Variants in CASK observed in about 807,000 individuals in gnomAD.
CASK encodes the protein calcium/calmodulin dependent serine protein kinase.
In CASK, 4 loss-of-function variants were observed where a neutral mutation model predicts 82.9. The ratio of observed to expected loss-of-function variants is 0.05; its 90% CI spans 0.02 to 0.11. The LOEUF is 0.11. Ranked by LOEUF, CASK falls within the 10% of genes least tolerant of loss-of-function variation. The pLI is 1.00. For missense variants in CASK, 358 were observed against 720.9 expected, an observed-to-expected ratio of 0.50 and a Z score of 5.76; for synonymous variants, 259 against 253.5, an observed-to-expected ratio of 1.02 and a Z score of -0.20.
At chrX:41,873,348 C>A (rs1462347620) in intron 1 of CASK, among the ~76,000 whole-genome samples, 1 of 96,637 alleles carries the variant, frequency 1.0e-5, no homozygotes, top group African/African-American at 3.8e-5. Context: ...CCTAGAAAGA[C>A]ACATTTATAC....
chrX:41,917,860 C>T (rs2072720810), intron 1 of CASK, among the ~76,000 whole-genome samples: 3 of 111,775 alleles, frequency 2.7e-5, no homozygotes, highest in African/African-American at 3.3e-5. Flanking sequence ...TGCTTCCCCA[C>T]TCCCATTGAG....
At chrX:41,694,248 A>G (rs1278948790) in intron 5 of CASK, among the ~76,000 whole-genome samples, 1 of 112,646 alleles carries the variant, frequency 8.9e-6, no homozygotes, top group Non-Finnish European at 1.9e-5. Context: ...AAACTAAGGC[A>G]TAGAAAAGAT....
intron 2 of CASK, among the ~76,000 whole-genome samples, chrX:41,827,744 T>A (rs2070696751): frequency 8.9e-6 from 1 of 112,104 alleles, no homozygotes; most frequent in African/African-American, 3.2e-5. Context: ...TCCTTGAACA[T>A]GTTTGGTTTT....
intron 2 of CASK, among the ~76,000 whole-genome samples, chrX:41,811,196 A>T (rs1176524492): frequency 9.0e-6 from 1 of 111,725 alleles, no homozygotes. Flanking sequence ...TAACAAGGAT[A>T]TCCAGGAATT....
At chrX:41,588,657 T>C (rs1195857088) in intron 13 of CASK, 1 of 110,507 alleles carries the variant, frequency 9.0e-6, no homozygotes, top group Non-Finnish European at 1.9e-5. Context: ...CTTCATAGTC[T>C]TTCACATAGT....
Position 41,660,575 on chromosome X carries a change from A to G in CASK, c.709-14T>C. On this transcript the variant is annotated splice_polypyrimidine_tract_variant and intron_variant, in intron 7 of 26. Transcript: ENST00000378163. ...CCTTGGATTCATCTGAGGAGGAGGA[A>G]AGGAAAACTACATAGTTACCTTAAA... is the stretch of plus-strand genomic sequence containing the variant. 1 of 1,197,740 alleles carries G rather than the reference A, an allele frequency of 8.3e-7. No homozygotes were observed. Among genetic ancestry groups the G allele is most frequent in the Non-Finnish European group, 1.1e-6 (1 of 882,484 alleles).
At chrX:41,792,278 A>G in intron 2 of CASK, among the ~76,000 whole-genome samples, 1 of 106,635 alleles carries the variant, frequency 9.4e-6, no homozygotes, top group Non-Finnish European at 1.9e-5. Context: ...GCTCGAGAGC[A>G]TTCAATAAGG....
At chrX:41,621,432 G>A (rs1232796084) in intron 11 of CASK, among the ~76,000 whole-genome samples, 2 of 112,045 alleles carry the variant, frequency 1.8e-5, no homozygotes, top group African/African-American at 6.5e-5. Flanking sequence ...GCTGGGAAGT[G>A]AGCTGCCATG....
At chrX:41,766,346 T>A (rs1214217957) in intron 3 of CASK, among the ~76,000 whole-genome samples, 2 of 111,974 alleles carry the variant, frequency 1.8e-5, no homozygotes, top group Admixed American at 1.9e-4. Context: ...GAACCCAGAT[T>A]TTCAGAGATA....
intron 3 of CASK, among the ~76,000 whole-genome samples, chrX:41,779,466 T>C (rs1167952554): frequency 1.8e-5 from 2 of 112,031 alleles, no homozygotes; most frequent in Non-Finnish European, 3.8e-5. Context: ...TGCTGAGTCC[T>C]TTGAGTTTTC....
chrX:41,680,354 C>T (rs1461128527), intron 5 of CASK, among the ~76,000 whole-genome samples: 1 of 109,546 alleles, frequency 9.1e-6, no homozygotes, highest in African/African-American at 3.3e-5. Context: ...TGGTGGCATG[C>T]GCCTATAGTC....
intron 5 of CASK, chrX:41,696,033 T>TTTTA: frequency 8.3e-7 from 1 of 1,210,185 alleles, no homozygotes; most frequent in Non-Finnish European, 1.1e-6. Context: ...GGGAACACTG[T>TTTTA]TTTATATGAA....
rs1195028956 is a variant in CASK at position 41,612,348 on chromosome X, C to T, written c.1034-2323G>A. ...GAGGTGAGGAGCGTCTCTGCCCAGC[C>T]GCCCCGTCTGAGAAGTGAGGAGACC... is the stretch of plus-strand genomic sequence containing the variant. On this transcript the variant is annotated intron_variant, in intron 11 of 26. Coordinates refer to ENST00000378163, the MANE Select transcript of CASK (RefSeq NM_001367721.1). Among the ~76,000 whole-genome samples the T allele has an allele frequency of 5.5e-5, 6 of 108,647 alleles. No individual in the cohort carries two copies. In the East Asian group the frequency reaches 1.8e-3, roughly 32 times the overall value. 94.3% of individuals were successfully genotyped at this position (108,647 alleles called of 115,157 possible).
rs1313398947 is a variant in CASK, at chrX:41,713,786, TAG to T, written c.429+25596_429+25597del. Among the ~76,000 whole-genome samples the T allele has an allele frequency of 5.4e-5, 6 of 111,115 alleles. No homozygotes were observed. The East Asian group carries it at 1.7e-3, about 31-fold the overall frequency. On this transcript the variant is annotated intron_variant, in intron 5 of 26. Coordinates refer to ENST00000378163, the MANE Select transcript of CASK (RefSeq NM_001367721.1). ...AGTCATGGGACTCATCTAAGCAGGG[TAG>T]AGTCTTTAGAGGGCTATTAAAAAAT...
At chrX:41,781,970 A>G (rs765734795) in intron 3 of CASK, among the ~76,000 whole-genome samples, 2 of 112,087 alleles carry the variant, frequency 1.8e-5, no homozygotes, top group Non-Finnish European at 3.8e-5. Flanking sequence ...ACAATTCTAA[A>G]TTCAGAAATC....
chrX:41,760,983 T>C (rs954995998), intron 3 of CASK, among the ~76,000 whole-genome samples: 1 of 111,557 alleles, frequency 9.0e-6, no homozygotes, highest in Admixed American at 9.6e-5. Context: ...CTTGCTATCC[T>C]GTGTAAGTTC....
intron 1 of CASK, among the ~76,000 whole-genome samples, chrX:41,918,680 A>G (rs2072732699): frequency 8.9e-6 from 1 of 112,744 alleles, no homozygotes; most frequent in African/African-American, 3.2e-5. Context: ...GAGAAACACA[A>G]GTGCATAGAA....
chrX:41,577,167 T>G (rs1602290125), intron 15 of CASK, among the ~76,000 whole-genome samples: 3 of 112,648 alleles, frequency 2.7e-5, no homozygotes, highest in South Asian at 7.4e-4. Context: ...GTTCCCTGTC[T>G]CAACGTCCAT....
chrX:41,660,421 C>A lies in CASK; in HGVS notation c.831+18G>T. 1 of 1,193,193 alleles carries A rather than the reference C, an allele frequency of 8.4e-7. No individual in the cohort carries two copies. The highest frequency in any genetic ancestry group is 1.7e-5 in the African/African-American group (1 of 57,459). ...GTTCAGACAAAGTGTAGAAGGTGAC[C>A]TGTGAATGCTCATGTACCTTAAGCC... On this transcript the variant is annotated intron_variant, in intron 8 of 26. Transcript: ENST00000378163.
Sources: gnomAD v4.1 joint callset for allele counts (sites outside exome capture counted in the v4.1 genomes callset) on GRCh38, gnomAD v4.1.1 for gene constraint, MANE v1.5 for transcripts, NCBI Gene and HGNC (gene_info 2026-07-23, HGNC 2026-07-21) for gene names.